Variants in DMD observed in about 807,000 individuals in gnomAD.
DMD encodes the protein dystrophin.
DMD carries 63 observed loss-of-function variants against 330.1 expected under a neutral mutation model. The ratio of observed to expected loss-of-function variants is 0.19; its 90% CI spans 0.16 to 0.24. The LOEUF is 0.24. Ranked by LOEUF, DMD falls within the 10% of genes least tolerant of loss-of-function variation. The pLI, the probability that DMD is intolerant of heterozygous loss-of-function variation, is 1.00. For synonymous variants in DMD, 1,223 were observed against 959.8 expected (o/e 1.27, Z -5.07); for missense variants, 3,344 against 2,684.1 (o/e 1.25, Z -5.43).
At chrX:32,682,894 G>C (rs181953826) in intron 9 of DMD, among the ~76,000 whole-genome samples, 1 of 111,616 alleles carries the variant, frequency 9.0e-6, no homozygotes, top group African/African-American at 3.3e-5. Flanking sequence ...TTCCCTTTGC[G>C]GAGTGACTGG....
rs759087728 is a variant in DMD, at chrX:32,906,228, T to C, written c.94-56408A>G. ...CTCGCGATAGTGGGCTCTCACGAGA[T>C]CTGGTTGTTTAAAAGTGTGCAGCAC... On this transcript the variant is annotated intron_variant, in intron 2 of 78. Coordinates refer to ENST00000357033, the MANE Select transcript of DMD (RefSeq NM_004006.3). Among the ~76,000 whole-genome samples the C allele has an allele frequency of 4.5e-5, 5 of 110,839 alleles. No individual in the cohort carries two copies. The South Asian group carries it at 2.0e-3, about 43-fold the overall frequency.
chrX:31,279,774 G>A (rs748225654), intron 62 of DMD, among the ~76,000 whole-genome samples: 1 of 112,602 alleles, frequency 8.9e-6, no homozygotes, highest in Non-Finnish European at 1.9e-5. Context: ...CCATCAAATA[G>A]TGAGCTAAGT....
intron 47 of DMD, among the ~76,000 whole-genome samples, chrX:31,910,848 A>T (rs945480989): frequency 8.9e-6 from 1 of 112,434 alleles, no homozygotes; most frequent in African/African-American, 3.2e-5. Flanking sequence ...TGGCAGCCTG[A>T]GTGAAAATGA....
chrX:33,234,918 T>C (rs1316597498), intron 1 of DMD, among the ~76,000 whole-genome samples: 3 of 111,918 alleles, frequency 2.7e-5, no homozygotes, highest in African/African-American at 6.5e-5. Flanking sequence ...TACTGGACAA[T>C]TGTCCATTTA....
chrX:31,996,294 T>A (rs1000431135), intron 44 of DMD, among the ~76,000 whole-genome samples: 2 of 111,869 alleles, frequency 1.8e-5, no homozygotes, highest in Non-Finnish European at 3.8e-5. Context: ...GTAATCATAG[T>A]GAATATGAGG....
At chrX:32,900,162 G>T (rs2086110295) in intron 2 of DMD, among the ~76,000 whole-genome samples, 1 of 111,718 alleles carries the variant, frequency 9.0e-6, no homozygotes, top group Non-Finnish European at 1.9e-5. Context: ...TTCTTCCATA[G>T]TGTCAATTAA....
At chrX:31,502,657 G>A (rs957490157) in intron 56 of DMD, among the ~76,000 whole-genome samples, 1 of 111,057 alleles carries the variant, frequency 9.0e-6, no homozygotes, top group Non-Finnish European at 1.9e-5. Flanking sequence ...TGTAAATTCT[G>A]CTGAAATTAT....
At chrX:33,285,613 T>C (rs775394196) in intron 1 of DMD, among the ~76,000 whole-genome samples, 1 of 111,879 alleles carries the variant, frequency 8.9e-6, no homozygotes, top group African/African-American at 3.2e-5. Flanking sequence ...CACCCTCCAG[T>C]CAAACAATCC....
At position 32,380,512 on chromosome X, in the gene DMD, T is replaced by G; in HGVS notation, c.4843A>C (p.Lys1615Gln). 8.3e-7 allele frequency: 1 copy of G among 1,210,005 alleles called. No homozygotes were observed. Among genetic ancestry groups the G allele is most frequent in the Non-Finnish European group, 1.1e-6 (1 of 894,294 alleles). The change falls in exon 34 of 79, where the codon AAG becomes CAG. Residue 1615 changes from lysine (K) to glutamine (Q), a missense_variant and splice_region_variant. Transcript: ENST00000357033. The stretch of plus-strand genomic sequence containing the variant: ...ACCTTCAGTGATATAGGTTTTACCT[T>G]TCCCCAGGCAACTTCAGAATCCAAA... The part of the protein sequence containing the change: ...SNLDSEVAWG[K>Q]ATQKEIEKQK...
At chrX:33,119,948 C>A (rs765642072) in intron 1 of DMD, among the ~76,000 whole-genome samples, 1 of 111,787 alleles carries the variant, frequency 8.9e-6, no homozygotes, top group South Asian at 3.8e-4. Context: ...CTAACCCTTC[C>A]TATTGATTTG....
chrX:32,597,506 G>A (rs1237823751), intron 12 of DMD, among the ~76,000 whole-genome samples: 1 of 111,505 alleles, frequency 9.0e-6, no homozygotes, highest in East Asian at 2.8e-4. Context: ...GTGATTTTTG[G>A]TGTAATCACA....
rs777369372 is a variant in DMD, at chrX:31,465,815, CCCA to C, written c.8937+12288_8937+12290del. ...CACAATGGTTGAACTAATTTACACT[CCCA>C]CCAACAGTGTAAAAGCACACCTATT... On this transcript the variant is annotated intron_variant, in intron 59 of 78. Coordinates refer to ENST00000357033, the MANE Select transcript of DMD (RefSeq NM_004006.3). Among the ~76,000 whole-genome samples the C allele has an allele frequency of 4.5e-5, 5 of 112,069 alleles. No homozygotes were observed. In the East Asian group the frequency reaches 1.1e-3, roughly 25 times the overall value.
At chrX:33,202,075 T>C (rs1166698232) in intron 1 of DMD, among the ~76,000 whole-genome samples, 2 of 112,292 alleles carry the variant, frequency 1.8e-5, no homozygotes, top group Admixed American at 9.5e-5. Flanking sequence ...TCAGTTTTTA[T>C]CTAAGAAAAT....
chrX:32,346,715 A>G (rs2097765129), intron 38 of DMD, among the ~76,000 whole-genome samples: 1 of 111,924 alleles, frequency 8.9e-6, no homozygotes, highest in Non-Finnish European at 1.9e-5. Flanking sequence ...ATACGATCAA[A>G]TAATACTAAA....
intron 2 of DMD, among the ~76,000 whole-genome samples, chrX:32,917,306 C>A (rs2087913151): frequency 9.0e-6 from 1 of 110,922 alleles, no homozygotes; most frequent in Non-Finnish European, 1.9e-5. Context: ...TTATAAATCA[C>A]CCAGTCTCAG....
rs535898719 is a variant in DMD at position 31,982,503 on chromosome X, G to A, written c.6439-13989C>T. 6.3e-5 allele frequency among the ~76,000 whole-genome samples: 7 copies of A among 111,643 alleles called. No homozygotes were observed. The South Asian group carries it at 1.5e-3, about 24-fold the overall frequency. ...CTGTATCAATATCCAGAAAAATGTC[G>A]AAGGTGATTTTTGGAAAATGGCATC... On this transcript the variant is annotated intron_variant, in intron 44 of 78. Transcript: ENST00000357033.
At chrX:32,771,526 T>A (rs986054157) in intron 7 of DMD, among the ~76,000 whole-genome samples, 35 of 91,693 alleles carry the variant, frequency 3.8e-4, no homozygotes, top group Non-Finnish European at 4.5e-4. Flanking sequence ...ACACACACAC[T>A]CTGCCACTAC....
chrX:32,021,109 A>T (rs1371856599), intron 44 of DMD, among the ~76,000 whole-genome samples: 1 of 112,665 alleles, frequency 8.9e-6, no homozygotes, highest in East Asian at 2.8e-4. Context: ...AACATATACA[A>T]GAACACATGT....
chrX:32,339,840 G>A (rs912404037), intron 41 of DMD, among the ~76,000 whole-genome samples: 33 of 111,775 alleles, frequency 3.0e-4, no homozygotes, highest in African/African-American at 1.0e-3. Flanking sequence ...AAACAAAAAG[G>A]GACAGTTAGG....
Sources: allele counts gnomAD v4.1 joint callset (sites outside exome capture counted in the v4.1 genomes callset), GRCh38; gene constraint gnomAD v4.1.1; transcripts MANE v1.5; gene names NCBI Gene and HGNC (gene_info 2026-07-23, HGNC 2026-07-21).